RPS6KA5: variants seen among roughly 807,000 people sequenced by gnomAD.
RPS6KA5 encodes ribosomal protein S6 kinase A5.
Under a neutral mutation model 85.5 loss-of-function variants are expected in RPS6KA5, and 27 were observed. That is an observed-to-expected ratio of 0.32 (90% CI 0.23 to 0.44). The LOEUF is 0.44. Among genes scored for constraint, RPS6KA5 ranks in the 20% least tolerant of loss-of-function variants. The pLI, the probability that RPS6KA5 is intolerant of heterozygous loss-of-function variation, is 1.00. For missense variants in RPS6KA5, 811 were observed against 980.9 expected (o/e 0.83, Z 2.31); for synonymous variants, 334 against 348.2 (o/e 0.96, Z 0.46).
Position 90,873,730 on chromosome 14 carries a change from G to T in RPS6KA5, c.2062C>A (p.Gln688Lys). The change falls in exon 16 of 17, where the codon CAA (glutamine) becomes AAA (lysine). Residue 688 changes from glutamine (Q) to lysine (K), a missense_variant. This residue lies in a region of RPS6KA5 where 650 missense variants were observed against 793.4 expected (regional missense o/e 0.82). Transcript: ENST00000614987. ...MSGLRYNEWL[Q>K]DGSQLSSNPL... ...TTGGAGGACAGCTGACTTCCATCTTGTAGCCATTCATTGTACCTCAAGCCA... is the reference window on the plus strand; with the variant it reads ...TTGGAGGACAGCTGACTTCCATCTTTTAGCCATTCATTGTACCTCAAGCCA... The T allele has an allele frequency of 1.2e-6, 2 of 1,614,062 alleles. No individual in the cohort carries two copies. The highest frequency in any genetic ancestry group is 1.7e-6 in the Non-Finnish European group (2 of 1,179,950).
At chr14:90,917,327 G>C (rs2036169717) in intron 7 of RPS6KA5, among the ~76,000 whole-genome samples, 1 of 145,816 alleles carries the variant, frequency 6.9e-6, no homozygotes, top group African/African-American at 2.5e-5. Context: ...AGCCTGTCCT[G>C]GAAAAGGTAC....
At chr14:90,903,006 T>G (rs557301274) in intron 8 of RPS6KA5, 37 bp from the exon 9 acceptor site, 1 of 1,558,582 alleles carries the variant, frequency 6.4e-7, no homozygotes, top group East Asian at 2.3e-5. Context: ...TAGAAATCAA[T>G]AGTCAAAATG....
At chr14:91,059,584 T>C (rs1348012198) in intron 1 of RPS6KA5, among the ~76,000 whole-genome samples, 3 of 152,164 alleles carry the variant, frequency 2.0e-5, no homozygotes, top group Admixed American at 6.5e-5. Flanking sequence ...TACATTTAAT[T>C]AGTTATAAAG....
chr14:90,873,619 C>G lies in RPS6KA5; in HGVS notation c.2160+13G>C. The G allele has an allele frequency of 6.2e-7, 1 of 1,612,560 alleles. No homozygotes were observed. Among genetic ancestry groups the G allele is most frequent in the African/African-American group, 1.3e-5 (1 of 75,028 alleles). ...CTCAAACCGCCCAACATGTACAGAG[C>G]ACAGGGCCTTACGTGGAAGGTTGCT... On this transcript the variant is annotated intron_variant, in intron 16 of 16. Coordinates refer to ENST00000614987, the MANE Select transcript of RPS6KA5 (RefSeq NM_004755.4).
intron 3 of RPS6KA5, among the ~76,000 whole-genome samples, chr14:90,951,481 A>AAAAAAAC (rs2038185607): frequency 2.0e-5 from 3 of 152,140 alleles, no homozygotes; most frequent in Admixed American, 6.5e-5. Context: ...TCTCAACAAC[A>AAAAAAAC]AAAAAACAAA....
At chr14:90,936,001 C>T (rs2037235019) in intron 5 of RPS6KA5, among the ~76,000 whole-genome samples, 1 of 152,100 alleles carries the variant, frequency 6.6e-6, no homozygotes, top group Non-Finnish European at 1.5e-5. Context: ...AATCAAATAT[C>T]CAATAACTAC....
rs761987352 is a variant in RPS6KA5, at chr14:90,920,329, T to G, written c.703-20A>C. On this transcript the variant is annotated intron_variant, in intron 6 of 16. Transcript: ENST00000614987. ...AACTGCCTATAAAACAACAATAATT[T>G]CATTTTATAGAATTATCAACTAAAA... 9.8e-6 allele frequency: 14 copies of G among 1,432,560 alleles called. No homozygotes were observed. The African/African-American group carries it at 2.0e-4, about 20-fold the overall frequency. 88.7% of individuals were successfully genotyped at this position (1,432,560 alleles called of 1,614,324 possible).
intron 2 of RPS6KA5, among the ~76,000 whole-genome samples, chr14:90,981,076 CAGG>C (rs1168068221): frequency 6.6e-6 from 1 of 152,190 alleles, no homozygotes; most frequent in Non-Finnish European, 1.5e-5. Flanking sequence ...GAGGCTGAGG[CAGG>C]AGAATTGCTT....
intron 7 of RPS6KA5, among the ~76,000 whole-genome samples, chr14:90,915,326 G>A (rs954710007): frequency 2.6e-5 from 4 of 152,058 alleles, no homozygotes; most frequent in Non-Finnish European, 2.9e-5. Context: ...ACCAATACTG[G>A]GTACAGAAAG....
chr14:91,005,134 T>C (rs1355394183), intron 1 of RPS6KA5, among the ~76,000 whole-genome samples: 1 of 152,232 alleles, frequency 6.6e-6, no homozygotes, highest in African/African-American at 2.4e-5. Context: ...TTTCCTAGAA[T>C]TTCATATAAA....
At chr14:90,910,239 C>A (rs2035731980) in intron 7 of RPS6KA5, among the ~76,000 whole-genome samples, 1 of 151,946 alleles carries the variant, frequency 6.6e-6, no homozygotes, top group African/African-American at 2.4e-5. Flanking sequence ...ATGTAAAAAA[C>A]CAAATGAAAT....
At chr14:90,893,405 G>A (rs1232236207) in intron 13 of RPS6KA5, among the ~76,000 whole-genome samples, 1 of 152,094 alleles carries the variant, frequency 6.6e-6, no homozygotes. Context: ...TACATGAAAG[G>A]AATAAACCAA....
At chr14:90,878,860 G>A (rs1016238386) in intron 14 of RPS6KA5, among the ~76,000 whole-genome samples, 2 of 152,184 alleles carry the variant, frequency 1.3e-5, no homozygotes, top group African/African-American at 2.4e-5. Flanking sequence ...TTCAAGTGGG[G>A]CCTAGCATAG....
intron 2 of RPS6KA5, among the ~76,000 whole-genome samples, chr14:90,986,546 T>A (rs1304989182): frequency 1.3e-5 from 2 of 152,242 alleles, no homozygotes; most frequent in Non-Finnish European, 2.9e-5. Context: ...ACAAGCTGTT[T>A]GCCTAACTAA....
At chr14:90,992,135 G>C (rs920690390) in intron 2 of RPS6KA5, among the ~76,000 whole-genome samples, 1 of 152,084 alleles carries the variant, frequency 6.6e-6, no homozygotes, top group African/African-American at 2.4e-5. Context: ...TGAAAGATTA[G>C]TGGTAAAATT....
At chr14:91,016,619 C>T (rs915526398) in intron 1 of RPS6KA5, among the ~76,000 whole-genome samples, 1 of 152,024 alleles carries the variant, frequency 6.6e-6, no homozygotes, top group Non-Finnish European at 1.5e-5. Flanking sequence ...AATCACTGGG[C>T]TTTAGGCAGA....
chr14:90,992,526 A>G (rs1463335339), intron 2 of RPS6KA5, among the ~76,000 whole-genome samples: 1 of 152,262 alleles, frequency 6.6e-6, no homozygotes, highest in Admixed American at 6.5e-5. Context: ...TTGACTATAT[A>G]AATTTGATAT....
chr14:90,903,019 C>A, intron 8 of RPS6KA5, 50 bp from the exon 9 acceptor site: 1 of 1,494,208 alleles, frequency 6.7e-7, no homozygotes, highest in Non-Finnish European at 9.2e-7. Context: ...TCAAAATGTA[C>A]TTTCTAAGAA....
chr14:91,027,586 T>C (rs2042031003), intron 1 of RPS6KA5, among the ~76,000 whole-genome samples: 1 of 152,222 alleles, frequency 6.6e-6, no homozygotes, highest in Non-Finnish European at 1.5e-5. Flanking sequence ...TTATCTACAT[T>C]ATATTACAGT....
Sources: gnomAD v4.1 joint callset for allele counts (sites outside exome capture counted in the v4.1 genomes callset) on GRCh38, gnomAD v4.1.1 for gene constraint, gnomAD v4.1.1 regional missense constraint, MANE v1.5 for transcripts, NCBI Gene and HGNC (gene_info 2026-07-23, HGNC 2026-07-21) for gene names.